Variants in EDAR observed in about 807,000 individuals in gnomAD.
EDAR encodes ectodysplasin A receptor.
In EDAR, 38 loss-of-function variants were observed where a neutral mutation model predicts 51.3. That is an observed-to-expected ratio of 0.74 (90% CI 0.57 to 0.97). The LOEUF (loss-of-function observed/expected upper bound fraction) is 0.97, where lower values mean the gene tolerates loss of function less well. Among genes scored for constraint, EDAR ranks in the 50% least tolerant of loss-of-function variants. The pLI is 0.00. For missense variants in EDAR, 528 were observed against 595.0 expected (o/e 0.89, Z 1.17); for synonymous variants, 227 against 242.1 (o/e 0.94, Z 0.58).
At chr2:108,957,651 T>C (rs1054856840) in intron 1 of EDAR, among the ~76,000 whole-genome samples, 1 of 152,220 alleles carries the variant, frequency 6.6e-6, no homozygotes, top group Non-Finnish European at 1.5e-5. Flanking sequence ...ACAACATAAT[T>C]GATGCGGCCT....
intron 1 of EDAR, among the ~76,000 whole-genome samples, chr2:108,975,134 T>A (rs1370108033): frequency 6.6e-6 from 1 of 152,162 alleles, no homozygotes; most frequent in Non-Finnish European, 1.5e-5. Flanking sequence ...CTGAGGGTGC[T>A]GGGCAGGGTC....
chr2:108,928,345 A>C (rs1484933889), intron 4 of EDAR, among the ~76,000 whole-genome samples: 5 of 152,106 alleles, frequency 3.3e-5, no homozygotes. Context: ...CTACCTCCCC[A>C]GCCATGAGGT....
chr2:108,956,742 G>A (rs190985524), intron 1 of EDAR, among the ~76,000 whole-genome samples: 93 of 152,072 alleles, frequency 6.1e-4, no homozygotes, highest in African/African-American at 2.0e-3. Flanking sequence ...TTTACGATTA[G>A]GATCCCAAGT....
chr2:108,972,936 G>A (rs918179257), intron 1 of EDAR, among the ~76,000 whole-genome samples: 1 of 152,140 alleles, frequency 6.6e-6, no homozygotes, highest in South Asian at 2.1e-4. Context: ...CAAGTCCAAA[G>A]AATTTCTTAG....
chr2:108,910,888 G>C (rs376646267), intron 7 of EDAR, 38 bp from the exon 8 acceptor site: 6 of 1,613,918 alleles, frequency 3.7e-6, no homozygotes, highest in Non-Finnish European at 5.1e-6. Flanking sequence ...CAGGCTCTCC[G>C]ACAGGGGGAG....
intron 1 of EDAR, among the ~76,000 whole-genome samples, chr2:108,964,444 C>G (rs1371926064): frequency 6.6e-6 from 1 of 152,094 alleles, no homozygotes; most frequent in East Asian, 1.9e-4. Flanking sequence ...TTTCCCTAAA[C>G]TGAAGAGGAA....
At chr2:108,929,701 C>T (rs997340439) in intron 3 of EDAR, among the ~76,000 whole-genome samples, 2 of 152,196 alleles carry the variant, frequency 1.3e-5, no homozygotes, top group Admixed American at 6.5e-5. Flanking sequence ...CTACAAGAAC[C>T]GGACACTGAA....
chr2:108,958,128 C>A (rs1697960343), intron 1 of EDAR, among the ~76,000 whole-genome samples: 1 of 152,196 alleles, frequency 6.6e-6, no homozygotes, highest in Non-Finnish European at 1.5e-5. Flanking sequence ...GCACTTTCAT[C>A]CTCCTCCAGG....
chr2:108,953,213 T>A (rs1697857927), intron 1 of EDAR, among the ~76,000 whole-genome samples: 1 of 152,226 alleles, frequency 6.6e-6, no homozygotes, highest in Non-Finnish European at 1.5e-5. Flanking sequence ...GCTAAGCCGA[T>A]GCTTCAGAAT....
At chr2:108,931,727 T>C (rs961442753) in intron 1 of EDAR, among the ~76,000 whole-genome samples, 19 of 151,784 alleles carry the variant, frequency 1.3e-4, no homozygotes, top group African/African-American at 4.4e-4. Flanking sequence ...GGGTTTTTTT[T>C]TCTTTTTTTT....
chr2:108,970,123 T>A (rs1469704743), intron 1 of EDAR, among the ~76,000 whole-genome samples: 1 of 152,122 alleles, frequency 6.6e-6, no homozygotes, highest in Non-Finnish European at 1.5e-5. Flanking sequence ...TCCTGCAGAA[T>A]CTTGCTGCTT....
At chr2:108,905,932 A>G (rs1696793351) in intron 11 of EDAR, among the ~76,000 whole-genome samples, 1 of 152,162 alleles carries the variant, frequency 6.6e-6, no homozygotes, top group South Asian at 2.1e-4. Flanking sequence ...AGCTAAGTCT[A>G]GGATAAATGA....
chr2:108,946,730 G>A (rs1158736028), intron 1 of EDAR, among the ~76,000 whole-genome samples: 2 of 152,104 alleles, frequency 1.3e-5, no homozygotes, highest in African/African-American at 4.8e-5. Flanking sequence ...GATCTCATGA[G>A]AACTCACTCA....
chr2:108,974,847 C>T (rs1030261778), intron 1 of EDAR, among the ~76,000 whole-genome samples: 3 of 152,202 alleles, frequency 2.0e-5, no homozygotes, highest in Non-Finnish European at 4.4e-5. Flanking sequence ...GCTCTTCCCA[C>T]CACCCCGAGC....
At chr2:108,951,606 T>C (rs1261716327) in intron 1 of EDAR, among the ~76,000 whole-genome samples, 1 of 152,130 alleles carries the variant, frequency 6.6e-6, no homozygotes, top group Non-Finnish European at 1.5e-5. Flanking sequence ...AAAGGTGATA[T>C]GGTTTACAGG....
intron 1 of EDAR, among the ~76,000 whole-genome samples, chr2:108,950,711 A>C (rs1403573901): frequency 6.6e-6 from 1 of 152,152 alleles, no homozygotes; most frequent in Admixed American, 6.5e-5. Flanking sequence ...TGCTCCCTTC[A>C]TGAGTCCAGT....
At chr2:108,926,507 G>A (rs971919970) in intron 4 of EDAR, among the ~76,000 whole-genome samples, 3 of 152,190 alleles carry the variant, frequency 2.0e-5, no homozygotes, top group Non-Finnish European at 4.4e-5. Flanking sequence ...TCCTCCAACC[G>A]TGTTGGTGTG....
chr2:108,966,889 G>C (rs1306797131), intron 1 of EDAR, among the ~76,000 whole-genome samples: 2 of 152,206 alleles, frequency 1.3e-5, no homozygotes, highest in Non-Finnish European at 2.9e-5. Context: ...GACAGAGAGG[G>C]ACCCTCTTTA....
At chr2:108,903,402 T>G (rs1012067295) in intron 11 of EDAR, among the ~76,000 whole-genome samples, 13 of 151,840 alleles carry the variant, frequency 8.6e-5, no homozygotes, top group African/African-American at 2.7e-4. Flanking sequence ...AAAACTTATA[T>G]GGAAAGGCAA....
Sources: allele counts gnomAD v4.1 joint callset (sites outside exome capture counted in the v4.1 genomes callset), GRCh38; gene constraint gnomAD v4.1.1; transcripts MANE v1.5; gene names NCBI Gene and HGNC (gene_info 2026-07-23, HGNC 2026-07-21).